The following PTPN13 variants were observed in gnomAD, a reference collection of about 807,000 sequenced individuals.
The protein encoded by PTPN13 is protein tyrosine phosphatase non-receptor type 13.
Under a neutral mutation model 284.0 loss-of-function variants are expected in PTPN13, and 191 were observed. The observed-to-expected ratio is 0.67, with a 90% CI of 0.60 to 0.76. The LOEUF (loss-of-function observed/expected upper bound fraction) is 0.76. PTPN13 is among the 30% of genes least tolerant of loss of function. The pLI, the probability that PTPN13 is intolerant of heterozygous loss-of-function variation, is 0.00. For synonymous variants in PTPN13, 986 were observed against 1,022.3 expected, an observed-to-expected ratio of 0.96 and a Z score of 0.68; for missense variants, 2,797 against 2,939.9, an observed-to-expected ratio of 0.95 and a Z score of 1.12.
intron 42 of PTPN13, 149 bp downstream of exon 42, chr4:86,799,353 T>C (rs1033599632): frequency 8.2e-6 from 4 of 489,980 alleles, no homozygotes; most frequent in Non-Finnish European, 1.4e-5. Context: ...AGACAGAGGC[T>C]GGGAGTCCAG....
At position 86,701,343 on chromosome 4, in the gene PTPN13, TC is replaced by T. The variant is rs1353714095; in HGVS notation, c.738del (p.Asp248IlefsTer82). ...AGTAAATCTATGGGATTTCTGTCCATCAAAGATACACAAGATGAGAATTATT... is the reference window on the plus strand; with the variant it reads ...AGTAAATCTATGGGATTTCTGTCCATAAAGATACACAAGATGAGAATTATT... ...GLSKSMGFLS[I>X]KDTQDENYFK... On this transcript the variant is annotated frameshift_variant, in exon 7 of 48. Transcript: ENST00000411767. LOFTEE classifies it high-confidence loss of function. 1 of 1,612,562 alleles carries T rather than the reference TC, an allele frequency of 6.2e-7. No individual in the cohort carries two copies. Among genetic ancestry groups the T allele is most frequent in the African/African-American group, 1.3e-5 (1 of 74,888 alleles).
chr4:86,803,725 A>G lies in PTPN13; in HGVS notation c.6522A>G (p.Thr2174=), dbSNP rs1048209307. 1.2e-6 allele frequency: 2 copies of G among 1,613,690 alleles called. No individual in the cohort carries two copies. The highest frequency in any genetic ancestry group is 2.7e-5 in the African/African-American group (2 of 75,028). Residue 2174 remains threonine (T), a synonymous_variant, in exon 43 of 48, where the codon ACA becomes ACG. Coordinates refer to ENST00000411767, the MANE Select transcript of PTPN13 (RefSeq NM_080683.3). ...EDSDKDHSFL[T]NDELAVLPVV... ...TCCTATTAGATCATTCCTTTCTGAC[A>G]AACGATGAGCTCGCTGTACTCCCTG...
intron 2 of PTPN13, among the ~76,000 whole-genome samples, chr4:86,668,935 A>G (rs1187465239): frequency 6.6e-6 from 1 of 151,626 alleles, no homozygotes; most frequent in African/African-American, 2.4e-5. Context: ...AAGCAAAAGT[A>G]TGATCCTCCT....
At chr4:86,639,516 A>G (rs1723493672) in intron 2 of PTPN13, among the ~76,000 whole-genome samples, 1 of 152,202 alleles carries the variant, frequency 6.6e-6, no homozygotes, top group African/African-American at 2.4e-5. Context: ...TGATGAGTTC[A>G]TGTCCTTTGT....
At chr4:86,616,536 G>C (rs1337353291) in intron 1 of PTPN13, among the ~76,000 whole-genome samples, 1 of 151,290 alleles carries the variant, frequency 6.6e-6, no homozygotes, top group Middle Eastern at 3.2e-3. Context: ...TATTTAGATC[G>C]TGGGGCCATG....
chr4:86,795,446 G>C (rs1306930768), intron 40 of PTPN13, among the ~76,000 whole-genome samples: 2 of 152,170 alleles, frequency 1.3e-5, no homozygotes, highest in East Asian at 3.9e-4. Flanking sequence ...TGGTGGGAGT[G>C]TAAAGTAGTT....
intron 36 of PTPN13, 89 bp from the exon 37 acceptor site, chr4:86,782,112 C>T (rs1741386562): frequency 1.1e-6 from 1 of 889,178 alleles, no homozygotes; most frequent in Non-Finnish European, 1.8e-6. Flanking sequence ...TAACAACATC[C>T]CAGAAATGTG....
At chr4:86,764,557 C>T (rs1310788078) in intron 24 of PTPN13, 36 bp from the exon 25 acceptor site, 3 of 1,347,756 alleles carry the variant, frequency 2.2e-6, no homozygotes, top group Admixed American at 3.6e-5. Context: ...CATTTTGACT[C>T]TAACAAGAAA....
chr4:86,705,831 A>C (rs988104608), intron 7 of PTPN13, among the ~76,000 whole-genome samples: 1 of 151,928 alleles, frequency 6.6e-6, no homozygotes, highest in African/African-American at 2.4e-5. Flanking sequence ...TGTGACTTAA[A>C]AAAAAAAAAG....
At chr4:86,654,085 G>T (rs1029752334) in intron 2 of PTPN13, among the ~76,000 whole-genome samples, 2 of 152,032 alleles carry the variant, frequency 1.3e-5, no homozygotes, top group Non-Finnish European at 2.9e-5. Flanking sequence ...ATCTAAAATT[G>T]ACACCCTAAC....
chr4:86,770,296 G>T, intron 30 of PTPN13, 97 bp downstream of exon 30: 5 of 1,136,850 alleles, frequency 4.4e-6, no homozygotes, highest in Non-Finnish European at 5.1e-6. Flanking sequence ...TGTTCTCCTG[G>T]GTTTCATACC....
Position 86,659,661 on chromosome 4 carries a change from C to G in PTPN13, c.116-12704C>G, listed in dbSNP as rs1227179711. Among the ~76,000 whole-genome samples, 8 of 151,764 alleles carry G rather than the reference C, an allele frequency of 5.3e-5. No homozygotes were observed. The East Asian group carries it at 1.5e-3, about 29-fold the overall frequency. ...TGAAACCCCGTCTCTACTAAAAATA[C>G]AAAAATTAGCTGGGCATGGTGGTGC... On this transcript the variant is annotated intron_variant, in intron 2 of 47. Transcript: ENST00000411767.
chr4:86,611,413 A>G (rs1719870256), intron 1 of PTPN13, among the ~76,000 whole-genome samples: 1 of 152,194 alleles, frequency 6.6e-6, no homozygotes, highest in South Asian at 2.1e-4. Context: ...TCTATCAGGG[A>G]TGATTGAACT....
In PTPN13 at chr4:86,735,788, C is replaced by T. The variant is rs750948953; in HGVS notation, c.2304+42C>T. 10 of 1,559,538 alleles carry T rather than the reference C, an allele frequency of 6.4e-6. No individual in the cohort carries two copies. In the South Asian group the frequency reaches 1.2e-4, roughly 19 times the overall value. On this transcript the variant is annotated intron_variant, in intron 15 of 47. Coordinates refer to ENST00000411767, the MANE Select transcript of PTPN13 (RefSeq NM_080683.3). ...ACAAATGATAAGCTTTGTATCTTTT[C>T]CAAGTAAGCAAGAAGTGTTAGAGGA... is the stretch of plus-strand genomic sequence containing the variant.
chr4:86,707,762 T>C (rs1332010311), intron 7 of PTPN13, among the ~76,000 whole-genome samples: 1 of 152,166 alleles, frequency 6.6e-6, no homozygotes, highest in East Asian at 1.9e-4. Flanking sequence ...ATAAATAATT[T>C]TAATATTAAA....
rs765749481 is a variant in PTPN13, at chr4:86,803,728, C to T, written c.6525C>T (p.Asn2175=). The T allele has an allele frequency of 9.3e-6, 15 of 1,613,508 alleles. No individual in the cohort carries two copies. Among genetic ancestry groups the T allele is most frequent in the South Asian group, 6.6e-5 (6 of 91,046 alleles). ...TATTAGATCATTCCTTTCTGACAAA[C>T]GATGAGCTCGCTGTACTCCCTGTCG... ...DSDKDHSFLT[N]DELAVLPVVK... is the part of the protein sequence containing the mutation. Residue 2175 remains asparagine, a synonymous_variant, in exon 43 of 48, where the codon AAC becomes AAT. Coordinates refer to ENST00000411767, the MANE Select transcript of PTPN13 (RefSeq NM_080683.3).
chr4:86,803,615 C>A, intron 42 of PTPN13, 94 bp from the exon 43 acceptor site: 3 of 1,294,088 alleles, frequency 2.3e-6, no homozygotes, highest in Non-Finnish European at 3.3e-6. Flanking sequence ...TAGACTTTCC[C>A]TTTTGTAAGA....
At chr4:86,656,858 TG>T (rs1725881893) in intron 2 of PTPN13, among the ~76,000 whole-genome samples, 1 of 152,196 alleles carries the variant, frequency 6.6e-6, no homozygotes, top group Non-Finnish European at 1.5e-5. Context: ...CTCCTTGAGC[TG>T]GGGTGGGCTC....
chr4:86,604,160 A>T (rs1226120723), intron 1 of PTPN13, among the ~76,000 whole-genome samples: 3 of 152,012 alleles, frequency 2.0e-5, no homozygotes, highest in Non-Finnish European at 4.4e-5. Flanking sequence ...AAACACATTG[A>T]ATTTGGGTAG....
Sources: gnomAD v4.1 joint callset for allele counts (sites outside exome capture counted in the v4.1 genomes callset) on GRCh38, gnomAD v4.1.1 for gene constraint, MANE v1.5 for transcripts, NCBI Gene and HGNC (gene_info 2026-07-23, HGNC 2026-07-21) for gene names.